Variants in TSKS observed in about 807,000 individuals in gnomAD.
The protein encoded by TSKS is testis specific serine kinase substrate.
TSKS carries 27 observed loss-of-function variants against 68.0 expected under a neutral mutation model. The ratio of observed to expected loss-of-function variants is 0.40; its 90% CI spans 0.29 to 0.55. The LOEUF is 0.55. TSKS is among the 20% of genes least tolerant of loss of function. The pLI, the probability that TSKS is intolerant of heterozygous loss-of-function variation, is 0.53. For synonymous variants in TSKS, 331 were observed against 340.4 expected (o/e 0.97, Z 0.30); for missense variants, 806 against 776.0 (o/e 1.04, Z -0.46).
intron 8 of TSKS, among the ~76,000 whole-genome samples, chr19:49,742,246 G>A (rs925564782): frequency 1.3e-5 from 2 of 152,118 alleles, no homozygotes; most frequent in African/African-American, 4.8e-5. Context: ...TACCCAGGCT[G>A]GAGTGCAGTG....
chr19:49,755,486 A>G (rs956220427), intron 2 of TSKS, among the ~76,000 whole-genome samples: 4 of 152,138 alleles, frequency 2.6e-5, no homozygotes, highest in South Asian at 2.1e-4. Context: ...CTTGAGACCA[A>G]GAGCTCAAGA....
chr19:49,740,540 A>T (rs1364450402), intron 9 of TSKS, among the ~76,000 whole-genome samples: 4 of 152,174 alleles, frequency 2.6e-5, no homozygotes, highest in Non-Finnish European at 4.4e-5. Context: ...CCTACATTCC[A>T]TAATTTGGAA....
intron 2 of TSKS, among the ~76,000 whole-genome samples, chr19:49,758,717 C>T (rs1422887110): frequency 6.6e-6 from 1 of 152,174 alleles, no homozygotes; most frequent in African/African-American, 2.4e-5. Context: ...ACATCCCCCA[C>T]TCAGCCCAAG....
In TSKS at chr19:49,746,745, C is replaced by T; in HGVS notation, c.717G>A (p.Gln239=). 1 of 1,601,934 alleles carries T rather than the reference C, an allele frequency of 6.2e-7. No homozygotes were observed. The highest frequency in any genetic ancestry group is 8.5e-7 in the Non-Finnish European group (1 of 1,179,620). The stretch of plus-strand genomic sequence containing the variant: ...CCTCCGGCTCCTGCAGCTCGGCCTC[C>T]TGCCGTCGCGGCGTCTCATCCTGCA... ...QQLQDETPRR[Q]EAELQEPEEK... The change falls in exon 6 of 11, where the codon CAG becomes CAA. Residue 239 remains glutamine, a synonymous_variant. Transcript: ENST00000246801.
intron 2 of TSKS, among the ~76,000 whole-genome samples, chr19:49,755,827 C>G (rs1247470073): frequency 6.6e-6 from 1 of 151,964 alleles, no homozygotes; most frequent in African/African-American, 2.4e-5. Context: ...ATGGTGAAAC[C>G]CTGTCTCTAC....
chr19:49,752,183 A>G (rs1250010935), intron 2 of TSKS, among the ~76,000 whole-genome samples: 2 of 152,216 alleles, frequency 1.3e-5, no homozygotes, highest in African/African-American at 4.8e-5. Flanking sequence ...CAGGAATTCA[A>G]GACTAGCCTG....
chr19:49,740,083 A>G lies in TSKS; in HGVS notation c.1598T>C (p.Leu533Pro). 6.2e-7 allele frequency: 1 copy of G among 1,614,098 alleles called. No individual in the cohort carries two copies. Among genetic ancestry groups the G allele is most frequent in the Non-Finnish European group, 8.5e-7 (1 of 1,180,014 alleles). The change falls in exon 10 of 11, where the codon CTG becomes CCG. Residue 533 changes from leucine to proline, a missense_variant. Transcript: ENST00000246801. ...CTCTGGCTTCATCTTGTCTGTCAGC[A>G]GTAGGTTCTTGGCCCGCAGGGCCTC... is the stretch of plus-strand genomic sequence containing the variant. The part of the protein sequence containing the change: ...QDEALRAKNL[L>P]LTDKMKPEEK...
chr19:49,754,687 T>C (rs998477131), intron 2 of TSKS, among the ~76,000 whole-genome samples: 3 of 152,122 alleles, frequency 2.0e-5, no homozygotes, highest in Non-Finnish European at 4.4e-5. Context: ...TTAAATATGT[T>C]CGAAGTGCTA....
intron 2 of TSKS, among the ~76,000 whole-genome samples, chr19:49,749,194 G>A (rs2084328180): frequency 6.6e-6 from 1 of 152,178 alleles, no homozygotes; most frequent in Non-Finnish European, 1.5e-5. Flanking sequence ...TATGCACCAA[G>A]CACTTGTCTT....
chr19:49,745,593 C>T (rs1438523568), intron 6 of TSKS, among the ~76,000 whole-genome samples, 197 bp from the exon 7 acceptor site: 1 of 152,126 alleles, frequency 6.6e-6, no homozygotes, highest in Non-Finnish European at 1.5e-5. Context: ...AGAGCCCCGC[C>T]TTTATCCCCT....
At position 49,745,070 on chromosome 19, in the gene TSKS, C is replaced by A. The variant is rs2084284568; in HGVS notation, c.1187+132G>T. On this transcript the variant is annotated intron_variant, in intron 7 of 10. Coordinates refer to ENST00000246801, the MANE Select transcript of TSKS (RefSeq NM_021733.2). ...CCTTCCTGCTCTCTAATTGGTGTTT[C>A]CCGATGTCGGTATATGTTCCGGAAT... is the stretch of plus-strand genomic sequence containing the variant. 4 of 877,534 alleles carry A rather than the reference C, an allele frequency of 4.6e-6. No individual in the cohort carries two copies. In the South Asian group the frequency reaches 8.4e-5, roughly 18 times the overall value. 54.4% of individuals were successfully genotyped at this position (877,534 alleles called of 1,614,324 possible). A position where few individuals can be genotyped will look rare whatever the true frequency, so the allele number is the denominator to read the frequency against.
intron 2 of TSKS, among the ~76,000 whole-genome samples, chr19:49,751,164 C>T (rs1204397751): frequency 6.6e-6 from 1 of 151,592 alleles, no homozygotes. Flanking sequence ...ATTAGCCAGG[C>T]GTGGTGGCAG....
Position 49,739,796 on chromosome 19 carries a change from C to G in TSKS, c.1759G>C (p.Gly587Arg). Reference sequence around the variant, plus strand: ...GCCATTTATTGTTCAGGGGCTGAGCCCCCCTGTTTTGGGGGGGTTCCTGCA... The same window carrying G: ...GCCATTTATTGTTCAGGGGCTGAGCGCCCCTGTTTTGGGGGGGTTCCTGCA... Reference protein sequence around the residue: ...SSAGTPPKQGGSAPEQ With the variant: ...SSAGTPPKQGRSAPEQ The change falls in exon 11 of 11, where the codon GGC becomes CGC. Residue 587 changes from glycine (G) to arginine (R), a missense_variant. Physicochemically the swap from Gly to Arg is moderately radical, Grantham distance 125. Coordinates refer to ENST00000246801, the MANE Select transcript of TSKS (RefSeq NM_021733.2). The G allele has an allele frequency of 1.3e-6, 2 of 1,511,180 alleles. No homozygotes were observed. Among genetic ancestry groups the G allele is most frequent in the Admixed American group, 1.7e-5 (1 of 57,708 alleles). The allele number at this position is 1,511,180 out of a possible 1,614,324, so 93.6% of individuals were successfully genotyped here.
chr19:49,748,942 A>G (rs934888094), intron 2 of TSKS, among the ~76,000 whole-genome samples: 3 of 152,076 alleles, frequency 2.0e-5, no homozygotes, highest in African/African-American at 7.2e-5. Flanking sequence ...TGGTGCCTTT[A>G]ATCCCAGCTA....
rs1001154944 is a variant in TSKS at position 49,740,006 on chromosome 19, G to C, written c.1622+53C>G. 4.9e-5 allele frequency: 79 copies of C among 1,612,174 alleles called. No homozygotes were observed. The Middle Eastern group carries it at 4.9e-4, about 10-fold the overall frequency. ...GTGTTGGAGTGGAAGGGGAGATCAG[G>C]CCCTTTCCCCAAGATCTCACCCTCC... On this transcript the variant is annotated intron_variant, in intron 10 of 10. Coordinates refer to ENST00000246801, the MANE Select transcript of TSKS (RefSeq NM_021733.2).
At chr19:49,748,347 G>C (rs1416774357) in intron 3 of TSKS, 27 bp downstream of exon 3, 5 of 1,608,990 alleles carry the variant, frequency 3.1e-6, no homozygotes, top group Non-Finnish European at 4.3e-6. Context: ...AGGAAGGGCA[G>C]GTGTTGGATA....
chr19:49,762,332 C>A, intron 1 of TSKS, 100 bp from the exon 2 acceptor site: 1 of 816,174 alleles, frequency 1.2e-6, no homozygotes, highest in South Asian at 1.7e-5. Context: ...TGACTCCACC[C>A]TCACTGTATA....
intron 7 of TSKS, 100 bp downstream of exon 7, chr19:49,745,102 C>T (rs1318091359): frequency 1.7e-5 from 20 of 1,205,780 alleles, no homozygotes; most frequent in Admixed American, 5.0e-5. Flanking sequence ...GAATGCCTGG[C>T]CATAGCTGAT....
At chr19:49,759,039 T>G (rs1181353722) in intron 2 of TSKS, among the ~76,000 whole-genome samples, 2 of 151,852 alleles carry the variant, frequency 1.3e-5, no homozygotes, top group East Asian at 3.9e-4. Context: ...ATATTTTTAG[T>G]AGAGATGGGG....
Sources: allele counts gnomAD v4.1 joint callset (sites outside exome capture counted in the v4.1 genomes callset), GRCh38; gene constraint gnomAD v4.1.1; transcripts MANE v1.5; gene names NCBI Gene and HGNC (gene_info 2026-07-23, HGNC 2026-07-21).